The following CCDC152 variants were observed in gnomAD, a reference collection of about 807,000 sequenced individuals.
The protein encoded by CCDC152 is coiled-coil domain-containing protein 152.
In CCDC152, 37 loss-of-function variants were observed where a neutral mutation model predicts 38.1. That is an observed-to-expected ratio of 0.97 (90% confidence interval 0.75 to 1.28). CCDC152 has a LOEUF of 1.28. Ranked by LOEUF, CCDC152 falls within the 50% of genes most tolerant of loss-of-function variation. CCDC152 has a pLI of 0.00. For missense variants in CCDC152, 259 were observed against 292.1 expected (o/e 0.89, Z 0.83); for synonymous variants, 83 against 87.1 (o/e 0.95, Z 0.26).
Position 42,802,206 on chromosome 5 carries a change from G to A in CCDC152, c.*2425G>A, listed in dbSNP as rs949161514. The stretch of plus-strand genomic sequence containing the variant: ...TCCCATTGACCATAATATCCATTCC[G>A]CATGATCCTAGTTCTTTAATTTACT... On this transcript the variant is annotated 3_prime_UTR_variant, in exon 9 of 9. Transcript: ENST00000361970. The A allele has an allele frequency of 2.0e-5, 3 of 152,028 alleles. No individual in the cohort carries two copies. The highest frequency in any genetic ancestry group is 1.9e-4 in the East Asian group (1 of 5,180). The allele number at this position is 152,028 out of a possible 1,614,324, so 9.4% of individuals were successfully genotyped here. A position where few individuals can be genotyped will look rare whatever the true frequency, so the allele number is the denominator to read the frequency against.
At position 42,802,379 on chromosome 5, in the gene CCDC152, C is replaced by G. The variant is rs1760226995; in HGVS notation, c.*2598C>G. 2 of 152,116 alleles carry G rather than the reference C, an allele frequency of 1.3e-5. No homozygotes were observed. 9.4% of individuals were successfully genotyped at this position (152,116 alleles called of 1,614,324 possible). A position where few individuals can be genotyped will look rare whatever the true frequency, so the allele number is the denominator to read the frequency against. On this transcript the variant is annotated 3_prime_UTR_variant, in exon 9 of 9. Transcript: ENST00000361970. ...ACCCAAAGACTCACTAAGTGATATG[C>G]TTTTGATGTTTTGAAGGTTTTAAAA...
chr5:42,795,603 A>G (rs1321899638), intron 6 of CCDC152, among the ~76,000 whole-genome samples: 3 of 152,244 alleles, frequency 2.0e-5, no homozygotes, highest in Non-Finnish European at 4.4e-5. Flanking sequence ...AACATTTAAG[A>G]AAGTTGACCA....
At chr5:42,769,722 A>G (rs1204101281) in intron 4 of CCDC152, 57 bp downstream of exon 4, 34 of 1,434,980 alleles carry the variant, frequency 2.4e-5, no homozygotes, top group Non-Finnish European at 3.0e-5. Context: ...AGCACCTTTA[A>G]AAATAGGAAG....
intron 4 of CCDC152, among the ~76,000 whole-genome samples, chr5:42,770,863 T>G (rs1759688509): frequency 6.6e-6 from 1 of 152,184 alleles, no homozygotes; most frequent in Non-Finnish European, 1.5e-5. Flanking sequence ...CTTCTTTGGT[T>G]AATTCTTAAG....
intron 6 of CCDC152, among the ~76,000 whole-genome samples, chr5:42,794,395 A>C (rs556974478): frequency 6.6e-6 from 1 of 152,250 alleles, no homozygotes; most frequent in Non-Finnish European, 1.5e-5. Context: ...AGCTAAAAAA[A>C]GAAATCTGTT....
chr5:42,778,328 AC>A (rs1759794930), intron 4 of CCDC152, among the ~76,000 whole-genome samples: 1 of 152,008 alleles, frequency 6.6e-6, no homozygotes, highest in Non-Finnish European at 1.5e-5. Context: ...TCCTGTCTCC[AC>A]CCCCCAAGAG....
chr5:42,759,311 A>C (rs549402121), intron 2 of CCDC152, 103 bp downstream of exon 2: 1 of 605,406 alleles, frequency 1.7e-6, no homozygotes, highest in Non-Finnish European at 2.9e-6. Context: ...AAAAATGATC[A>C]AGATAATAAT....
In CCDC152 at chr5:42,797,072, G is replaced by A. The variant is rs564893365; in HGVS notation, c.558+116G>A. The A allele has an allele frequency of 5.7e-5, 42 of 733,164 alleles. No individual in the cohort carries two copies. In the African/African-American group the frequency reaches 7.3e-4, roughly 13 times the overall value. 45.4% of individuals were successfully genotyped at this position (733,164 alleles called of 1,614,324 possible). A position where few individuals can be genotyped will look rare whatever the true frequency, so the allele number is the denominator to read the frequency against. On this transcript the variant is annotated intron_variant, in intron 7 of 8. Coordinates refer to ENST00000361970, the MANE Select transcript of CCDC152 (RefSeq NM_001134848.2). The stretch of plus-strand genomic sequence containing the variant: ...AGGATTAGAAGCAATTCTGTGAGAG[G>A]GCTTCACACATGCTCATTCTCCACC...
At chr5:42,797,913 C>T (rs1378875551) in intron 7 of CCDC152, among the ~76,000 whole-genome samples, 1 of 151,920 alleles carries the variant, frequency 6.6e-6, no homozygotes, top group Non-Finnish European at 1.5e-5. Flanking sequence ...TTTGGCAGGC[C>T]GAGGCGAGCG....
At chr5:42,773,436 C>T (rs1416271355) in intron 4 of CCDC152, among the ~76,000 whole-genome samples, 2 of 152,090 alleles carry the variant, frequency 1.3e-5, no homozygotes, top group African/African-American at 2.4e-5. Flanking sequence ...TTATATGTCA[C>T]GCATGATACA....
chr5:42,799,537 A>T, intron 8 of CCDC152, 79 bp downstream of exon 8: 2 of 1,176,538 alleles, frequency 1.7e-6, no homozygotes, highest in South Asian at 1.5e-5. Flanking sequence ...TCTAATTCTT[A>T]TTAACAATAT....
intron 3 of CCDC152, among the ~76,000 whole-genome samples, chr5:42,763,388 G>A (rs1293059884): frequency 2.0e-5 from 3 of 152,120 alleles, no homozygotes; most frequent in African/African-American, 7.2e-5. Context: ...AATGACTTTC[G>A]TAGATATTTT....
In CCDC152 at chr5:42,792,803, A is replaced by G. The variant is rs373164808; in HGVS notation, c.431-4026A>G. 4.7e-4 allele frequency among the ~76,000 whole-genome samples: 72 copies of G among 152,318 alleles called. No homozygotes were observed. In the South Asian group the frequency reaches 0.012, roughly 26 times the overall value. On this transcript the variant is annotated intron_variant, in intron 6 of 8. Transcript: ENST00000361970. ...CCTGTCATTGACTAGTTGCAACCAT[A>G]GAAGCATGGCCTCAGCTTAAATGCA...
At chr5:42,783,941 C>T (rs1309519323) in intron 6 of CCDC152, among the ~76,000 whole-genome samples, 4 of 152,086 alleles carry the variant, frequency 2.6e-5, no homozygotes, top group South Asian at 2.1e-4. Flanking sequence ...TTTACAGCTG[C>T]GTAGTATTTC....
chr5:42,771,995 G>T (rs1759705263), intron 4 of CCDC152, among the ~76,000 whole-genome samples: 1 of 152,072 alleles, frequency 6.6e-6, no homozygotes, highest in South Asian at 2.1e-4. Context: ...GATAAACACA[G>T]ACTCAAAAAT....
rs550031817 is a variant in CCDC152, at chr5:42,800,371, C to A, written c.*590C>A. The A allele has an allele frequency of 5.7e-6, 1 of 175,620 alleles. No individual in the cohort carries two copies. The highest frequency in any genetic ancestry group is 1.2e-5 in the Non-Finnish European group (1 of 84,300). 10.9% of individuals were successfully genotyped at this position (175,620 alleles called of 1,614,324 possible). A position where few individuals can be genotyped will look rare whatever the true frequency, so the allele number is the denominator to read the frequency against. On this transcript the variant is annotated 3_prime_UTR_variant, in exon 9 of 9. Transcript: ENST00000361970. ...GTAAAGAAAAAAATGGAAAGCATGT[C>A]TTTGTTGTTCTTCCTCCATTCTAAA...
chr5:42,794,803 A>G (rs765562106), intron 6 of CCDC152, among the ~76,000 whole-genome samples: 12 of 152,242 alleles, frequency 7.9e-5, no homozygotes, highest in Non-Finnish European at 1.6e-4. Flanking sequence ...TAAGGTTTGT[A>G]TCATGTCCAT....
chr5:42,771,386 A>C (rs1270033846), intron 4 of CCDC152, among the ~76,000 whole-genome samples: 1 of 152,096 alleles, frequency 6.6e-6, no homozygotes, highest in East Asian at 1.9e-4. Flanking sequence ...CAACAAATTA[A>C]GCCCAAAGGT....
intron 3 of CCDC152, among the ~76,000 whole-genome samples, chr5:42,763,050 C>T (rs1278831438): frequency 1.3e-5 from 2 of 152,190 alleles, no homozygotes; most frequent in African/African-American, 2.4e-5. Context: ...ACACCATTCT[C>T]TAATAAAAGG....
Sources: gnomAD v4.1 joint callset for allele counts (sites outside exome capture counted in the v4.1 genomes callset) on GRCh38, gnomAD v4.1.1 for gene constraint, MANE v1.5 for transcripts, NCBI Gene and HGNC (gene_info 2026-07-23, HGNC 2026-07-21) for gene names.